LTBP1: variants seen among roughly 807,000 people sequenced by gnomAD.
LTBP1 encodes latent-transforming growth factor beta-binding protein 1.
In LTBP1, 129 loss-of-function variants were observed where a neutral mutation model predicts 207.6. The ratio of observed to expected loss-of-function variants is 0.62; its 90% CI spans 0.54 to 0.72. The LOEUF is 0.72. Among genes scored for constraint, LTBP1 ranks in the 30% least tolerant of loss-of-function variants. The pLI, the probability that LTBP1 is intolerant of heterozygous loss-of-function variation, is 0.00. For missense variants in LTBP1, 2,281 were observed against 2,217.2 expected (o/e 1.03, Z -0.58); for synonymous variants, 963 against 833.7 (o/e 1.16, Z -2.67).
chr2:33,246,467 ACACACG>A (rs199727395), intron 10 of LTBP1, among the ~76,000 whole-genome samples: 6,618 of 150,740 alleles, frequency 0.044, 476 homozygotes, highest in African/African-American at 0.14. Context: ...TGGAGATCAC[ACACACG>A]CACACGCACA....
intron 12 of LTBP1, among the ~76,000 whole-genome samples, chr2:33,258,545 G>A (rs146750569): frequency 6.6e-6 from 1 of 152,288 alleles, no homozygotes; most frequent in African/African-American, 2.4e-5. Context: ...GGCAGAACAG[G>A]CAAAACCTCA....
chr2:33,232,384 C>G (rs2091840479), intron 9 of LTBP1, among the ~76,000 whole-genome samples: 2 of 152,152 alleles, frequency 1.3e-5, no homozygotes, highest in South Asian at 4.1e-4. Context: ...CGATGGAACA[C>G]TGAAAGGCCA....
intron 15 of LTBP1, among the ~76,000 whole-genome samples, chr2:33,267,866 A>G (rs2093222930): frequency 6.6e-6 from 1 of 152,264 alleles, no homozygotes; most frequent in Admixed American, 6.5e-5. Flanking sequence ...TGGTTAAAAA[A>G]ACAATGCAAG....
At chr2:33,053,697 A>G (rs186081570) in intron 3 of LTBP1, among the ~76,000 whole-genome samples, 4 of 152,278 alleles carry the variant, frequency 2.6e-5, no homozygotes, top group South Asian at 4.2e-4. Flanking sequence ...TATAGGCTTT[A>G]TTCATTCCTT....
At chr2:33,252,919 G>A (rs1261971310) in intron 11 of LTBP1, 75 bp downstream of exon 11, 7 of 1,278,448 alleles carry the variant, frequency 5.5e-6, no homozygotes, top group Non-Finnish European at 7.3e-6. Context: ...GGCACCTTGG[G>A]TCATTTGTGG....
chr2:33,304,949 A>T lies in LTBP1; in HGVS notation c.3481+3305A>T, dbSNP rs148095455. ...GCTTGTGCCAGACACTGTTCTAGGC[A>T]TAGGGCAATAAACCAAACAGAAATT... On this transcript the variant is annotated intron_variant, in intron 22 of 33. Transcript: ENST00000404816. 8.5e-4 allele frequency among the ~76,000 whole-genome samples: 129 copies of T among 152,372 alleles called. 1 individual carries two copies. Among genetic ancestry groups the T allele is most frequent in the Non-Finnish European group, 1.3e-3 (91 of 68,030 alleles).
At chr2:33,211,393 C>T (rs764371662) in intron 7 of LTBP1, among the ~76,000 whole-genome samples, 1 of 152,226 alleles carries the variant, frequency 6.6e-6, no homozygotes, top group Non-Finnish European at 1.5e-5. Context: ...AGGTCACATC[C>T]TACAGCTGCC....
intron 2 of LTBP1, among the ~76,000 whole-genome samples, chr2:32,987,275 G>A (rs1010394556): frequency 5.9e-5 from 9 of 152,106 alleles, no homozygotes; most frequent in Non-Finnish European, 8.8e-5. Context: ...AAAGGGGAAC[G>A]GTGAAGTGGG....
intron 4 of LTBP1, among the ~76,000 whole-genome samples, chr2:33,131,389 CTGTT>C (rs2081780075): frequency 6.6e-6 from 1 of 152,222 alleles, no homozygotes; most frequent in Admixed American, 6.5e-5. Context: ...GCATGGATCT[CTGTT>C]TGATGAACTT....
intron 26 of LTBP1, among the ~76,000 whole-genome samples, chr2:33,357,916 C>T (rs749026933): frequency 1.3e-5 from 2 of 152,098 alleles, no homozygotes; most frequent in African/African-American, 2.4e-5. Context: ...AATATAGAAA[C>T]CCTCCACCCC....
At chr2:33,124,412 A>G (rs1041725371) in intron 4 of LTBP1, among the ~76,000 whole-genome samples, 3 of 152,246 alleles carry the variant, frequency 2.0e-5, no homozygotes. Context: ...TCCGTCTCAA[A>G]AAAAAAAAAA....
At chr2:33,141,672 A>G (rs540930850) in intron 5 of LTBP1, among the ~76,000 whole-genome samples, 1 of 152,290 alleles carries the variant, frequency 6.6e-6, no homozygotes, top group East Asian at 1.9e-4. Flanking sequence ...ATGAGATAAC[A>G]TTGGAGCAGG....
intron 3 of LTBP1, among the ~76,000 whole-genome samples, chr2:33,046,075 C>G (rs2076427356): frequency 6.6e-6 from 1 of 152,172 alleles, no homozygotes; most frequent in African/African-American, 2.4e-5. Flanking sequence ...GACAATTTGA[C>G]TTCTCTCGTC....
chr2:33,342,879 G>T lies in LTBP1; in HGVS notation c.3772G>T (p.Gly1258Trp), dbSNP rs528249193. 3.3e-5 allele frequency: 54 copies of T among 1,613,904 alleles called. No homozygotes were observed. The East Asian group carries it at 1.1e-3, about 33-fold the overall frequency. The change falls in exon 25 of 34, where the codon GGG (glycine) becomes TGG (tryptophan). Residue 1258 changes from glycine to tryptophan, a missense_variant. Transcript: ENST00000404816. ...CVNNTVCDSH[G>W]FCDNTAGSFR... ...AAACAACACTGTTTGTGACAGTCAC[G>T]GGTTTTGTGACAATACAGCTGGCTC...
At position 32,947,416 on chromosome 2, in the gene LTBP1, T is replaced by A. The variant is rs1039021726; in HGVS notation, c.92T>A (p.Val31Glu). 6 of 1,435,284 alleles carry A rather than the reference T, an allele frequency of 4.2e-6. No individual in the cohort carries two copies. Among genetic ancestry groups the A allele is most frequent in the Non-Finnish European group, 5.5e-6 (6 of 1,096,018 alleles). The allele number at this position is 1,435,284 out of a possible 1,614,324, so 88.9% of individuals were successfully genotyped here. ...GGCCGGCTGCGGAGGATCACCTACG[T>A]GGTGCACCCGGGCCCCGGCCTGGCA... ...AHGRLRRITYVVHPGPGLAAG... is the reference protein window; with the variant it reads ...AHGRLRRITYEVHPGPGLAAG... The change falls in exon 1 of 34, where the codon GTG (valine) becomes GAG (glutamate). Residue 31 changes from valine (V) to glutamate (E), a missense_variant. By Grantham distance (121) the Val-to-Glu change is moderately radical (BLOSUM62 -2). This residue lies in a region of LTBP1 where 555 missense variants were observed against 491.0 expected (regional missense o/e 1.13). Coordinates refer to ENST00000404816, the MANE Select transcript of LTBP1 (RefSeq NM_206943.4).
At chr2:33,223,378 G>A (rs529209737) in intron 9 of LTBP1, among the ~76,000 whole-genome samples, 53 of 152,270 alleles carry the variant, frequency 3.5e-4, no homozygotes, top group Admixed American at 1.6e-3. Flanking sequence ...TAAAAATATT[G>A]TAAGCCCTCA....
At chr2:33,228,724 G>A (rs1209465915) in intron 9 of LTBP1, among the ~76,000 whole-genome samples, 1 of 28,660 alleles carries the variant, frequency 3.5e-5, no homozygotes, top group Non-Finnish European at 8.1e-5. Flanking sequence ...TTTTTGAGAT[G>A]GAGTCTTACT....
At chr2:33,081,429 A>G (rs1316921355) in intron 3 of LTBP1, among the ~76,000 whole-genome samples, 1 of 152,108 alleles carries the variant, frequency 6.6e-6, no homozygotes, top group East Asian at 1.9e-4. Context: ...ACACACACAT[A>G]TGTAAAGTGG....
chr2:33,187,039 A>T lies in LTBP1; in HGVS notation c.1385A>T (p.His462Leu). The change falls in exon 6 of 34, where the codon CAT becomes CTT. Residue 462 changes from histidine to leucine, a missense_variant. Physicochemically the swap from His to Leu is moderately conservative, Grantham distance 99. Transcript: ENST00000404816. ...GGGACGCATGTCATCCATTCAACAC[A>T]TACCTTGCCTCTGACCGTGACTAGC... ...ALGTHVIHST[H>L]TLPLTVTSQQ... 6.2e-7 allele frequency: 1 copy of T among 1,614,142 alleles called. No homozygotes were observed. The highest frequency in any genetic ancestry group is 8.5e-7 in the Non-Finnish European group (1 of 1,180,010).
Sources: allele counts gnomAD v4.1 joint callset (sites outside exome capture counted in the v4.1 genomes callset), GRCh38; gene constraint gnomAD v4.1.1; regional missense constraint gnomAD v4.1.1; transcripts MANE v1.5; gene names NCBI Gene and HGNC (gene_info 2026-07-23, HGNC 2026-07-21).